FAR1: variants seen among roughly 807,000 people sequenced by gnomAD.
FAR1 encodes the protein fatty acyl-CoA reductase 1.
FAR1 carries 22 observed loss-of-function variants against 61.1 expected under a neutral mutation model. That is an observed-to-expected ratio of 0.36 (90% CI 0.26 to 0.51). The LOEUF (loss-of-function observed/expected upper bound fraction) is 0.51. FAR1 is among the 20% of genes least tolerant of loss of function. FAR1 has a pLI of 0.95. For synonymous variants in FAR1, 206 were observed against 209.7 expected, an observed-to-expected ratio of 0.98 and a Z score of 0.15; for missense variants, 359 against 626.9, an observed-to-expected ratio of 0.57 and a Z score of 4.56.
intron 9 of FAR1, chr11:13,720,955 A>G (rs1013346774): frequency 2.0e-5 from 3 of 152,120 alleles, no homozygotes; most frequent in Non-Finnish European, 4.4e-5. Flanking sequence ...GTGAGCCATG[A>G]TATATAAAAT....
chr11:13,720,266 T>C (rs1253807007), intron 9 of FAR1: 1 of 152,164 alleles, frequency 6.6e-6, no homozygotes, highest in Non-Finnish European at 1.5e-5. Context: ...AAGGTATATA[T>C]AGGAAAACCG....
intron 11 of FAR1, among the ~76,000 whole-genome samples, chr11:13,728,319 G>A (rs1394164176): frequency 6.6e-6 from 1 of 151,808 alleles, no homozygotes; most frequent in Non-Finnish European, 1.5e-5. Context: ...AACTGAAAGA[G>A]TAAGTTACTT....
In FAR1 at chr11:13,730,442, C is replaced by T. The variant is rs981576297; in HGVS notation, c.*1668C>T. 6 of 152,134 alleles carry T rather than the reference C, an allele frequency of 3.9e-5. No homozygotes were observed. Among genetic ancestry groups the T allele is most frequent in the Non-Finnish European group, 7.4e-5 (5 of 67,888 alleles). 9.4% of individuals were successfully genotyped at this position (152,134 alleles called of 1,614,324 possible). A position where few individuals can be genotyped will look rare whatever the true frequency, so the allele number is the denominator to read the frequency against. On this transcript the variant is annotated 3_prime_UTR_variant, in exon 12 of 12. Transcript: ENST00000354817. ...TATCTCTATATTCTTTGGAATGATA[C>T]TAAAGTCTCTGGTCTAGGACCATAC...
intron 1 of FAR1, among the ~76,000 whole-genome samples, chr11:13,677,252 T>C (rs1848077510): frequency 6.6e-6 from 1 of 152,196 alleles, no homozygotes; most frequent in South Asian, 2.1e-4. Context: ...TTACAAGATT[T>C]ATTAGGGTAG....
chr11:13,689,530 A>G (rs1848224815), intron 1 of FAR1, among the ~76,000 whole-genome samples: 1 of 152,148 alleles, frequency 6.6e-6, no homozygotes, highest in African/African-American at 2.4e-5. Flanking sequence ...ACCACACTGT[A>G]TATGTTATAT....
Position 13,729,882 on chromosome 11 carries a change from G to A in FAR1, c.*1108G>A, listed in dbSNP as rs542147621. 1 of 152,424 alleles carries A rather than the reference G, an allele frequency of 6.6e-6. No homozygotes were observed. Among genetic ancestry groups the A allele is most frequent in the African/African-American group, 2.4e-5 (1 of 41,526 alleles). The allele number at this position is 152,424 out of a possible 1,614,324, so 9.4% of individuals were successfully genotyped here. ...ATAATGTGTACGAAATTAAATAAAG[G>A]ACTTTATTTACATACTACATAAGGT... On this transcript the variant is annotated 3_prime_UTR_variant, in exon 12 of 12. Coordinates refer to ENST00000354817, the MANE Select transcript of FAR1 (RefSeq NM_032228.6).
Position 13,721,644 on chromosome 11 carries a change from TA to T in FAR1, c.1128-85del, listed in dbSNP as rs1848610696. ...AATTTTAATACTAATGTCTATATTATAGGGGGAAACTTGCACCCTGGGTGGT... is the reference window on the plus strand; with the variant it reads ...AATTTTAATACTAATGTCTATATTATGGGGGAAACTTGCACCCTGGGTGGT... On this transcript the variant is annotated intron_variant, in intron 9 of 11. Coordinates refer to ENST00000354817, the MANE Select transcript of FAR1 (RefSeq NM_032228.6). The surrounding 1 kb of genome is among the most constrained non-coding windows in gnomAD (Gnocchi z 4.2). 1 of 1,019,654 alleles carries T rather than the reference TA, an allele frequency of 9.8e-7. No homozygotes were observed. Among genetic ancestry groups the T allele is most frequent in the East Asian group, 2.6e-5 (1 of 38,536 alleles). The allele number at this position is 1,019,654 out of a possible 1,614,324, so 63.2% of individuals were successfully genotyped here. A position where few individuals can be genotyped will look rare whatever the true frequency, so the allele number is the denominator to read the frequency against.
At chr11:13,712,216 T>C (rs1363419629) in intron 7 of FAR1, among the ~76,000 whole-genome samples, 170 bp downstream of exon 7, 2 of 151,514 alleles carry the variant, frequency 1.3e-5, no homozygotes. Context: ...TAGCAAGTGC[T>C]CCCATCAGTA....
intron 1 of FAR1, among the ~76,000 whole-genome samples, chr11:13,679,872 A>G (rs1269991517): frequency 2.0e-5 from 3 of 152,194 alleles, no homozygotes; most frequent in Non-Finnish European, 4.4e-5. Flanking sequence ...TCATTATATG[A>G]AACAGTTGTA....
chr11:13,673,348 TCAA>T (rs1848032083), intron 1 of FAR1, among the ~76,000 whole-genome samples: 2 of 152,324 alleles, frequency 1.3e-5, no homozygotes, highest in South Asian at 4.1e-4. Flanking sequence ...GCATAATCCT[TCAA>T]CAAATTACCA....
Position 13,694,920 on chromosome 11 carries a change from C to T in FAR1, c.155C>T (p.Pro52Leu). 6.2e-7 allele frequency: 1 copy of T among 1,613,226 alleles called. No homozygotes were observed. The highest frequency in any genetic ancestry group is 8.5e-7 in the Non-Finnish European group (1 of 1,179,610). ...GTGAGGCAGAAAGCTGGACAGACAC[C>T]ACAAGAGCGAGTGGAAGAAGTCCTT... ...VLVRQKAGQT[P>L]QERVEEVLSG... Residue 52 changes from proline (P) to leucine (L), a missense_variant, in exon 2 of 12, where the codon CCA becomes CTA. By Grantham distance (98) the Pro-to-Leu change is moderately conservative (BLOSUM62 -3). Transcript: ENST00000354817.
intron 8 of FAR1, among the ~76,000 whole-genome samples, chr11:13,713,723 G>T (rs1189313053): frequency 6.6e-6 from 1 of 152,006 alleles, no homozygotes; most frequent in Non-Finnish European, 1.5e-5. Context: ...TGATTTCAAT[G>T]TAGATTTTTT....
intron 1 of FAR1, among the ~76,000 whole-genome samples, chr11:13,693,544 T>C (rs1001585720): frequency 2.0e-5 from 3 of 152,068 alleles, no homozygotes; most frequent in Admixed American, 6.6e-5. Context: ...AAAGTAAGAC[T>C]GTCATGAGTA....
intron 1 of FAR1, among the ~76,000 whole-genome samples, chr11:13,676,172 A>G (rs1848066590): frequency 6.6e-6 from 1 of 152,160 alleles, no homozygotes; most frequent in Non-Finnish European, 1.5e-5. Context: ...TGATAAAATG[A>G]TAAAGCTTAT....
intron 8 of FAR1, 62 bp downstream of exon 8, chr11:13,713,095 G>T: frequency 6.9e-7 from 1 of 1,453,050 alleles, no homozygotes; most frequent in Non-Finnish European, 9.7e-7. Context: ...GTTCCCTGAA[G>T]TTTTAATGTT....
intron 1 of FAR1, among the ~76,000 whole-genome samples, chr11:13,680,525 A>ACGG (rs1435578068): frequency 6.6e-6 from 1 of 152,204 alleles, no homozygotes; most frequent in Non-Finnish European, 1.5e-5. Flanking sequence ...TACAAGAAGC[A>ACGG]CGGCATCAGT....
At chr11:13,706,846 A>G (rs1848438071) in intron 3 of FAR1, among the ~76,000 whole-genome samples, 1 of 152,118 alleles carries the variant, frequency 6.6e-6, no homozygotes, top group African/African-American at 2.4e-5. Flanking sequence ...TTTGCAAGCT[A>G]TTTGTTTAAT....
At chr11:13,673,105 C>T (rs1273541411) in intron 1 of FAR1, among the ~76,000 whole-genome samples, 2 of 152,238 alleles carry the variant, frequency 1.3e-5, no homozygotes, top group African/African-American at 2.4e-5. Context: ...GTTTTCGGTT[C>T]CCAATTTGAA....
intron 2 of FAR1, among the ~76,000 whole-genome samples, chr11:13,698,015 C>T (rs1848326638): frequency 6.6e-6 from 1 of 152,132 alleles, no homozygotes; most frequent in Non-Finnish European, 1.5e-5. Context: ...CTCTTTTCTA[C>T]TCCCAGGGCT....
Sources: allele counts gnomAD v4.1 joint callset (sites outside exome capture counted in the v4.1 genomes callset), GRCh38; gene constraint gnomAD v4.1.1; non-coding constraint Gnocchi (gnomAD v3.1); transcripts MANE v1.5; gene names NCBI Gene and HGNC (gene_info 2026-07-23, HGNC 2026-07-21).